The following ST14 variants were observed in gnomAD, a reference collection of about 807,000 sequenced individuals.
ST14 encodes the protein ST14 transmembrane serine protease matriptase.
Under a neutral mutation model 96.5 loss-of-function variants are expected in ST14, and 40 were observed. The observed-to-expected ratio is 0.41, with a 90% CI of 0.32 to 0.54. ST14 has a LOEUF of 0.54. ST14 is among the 20% of genes least tolerant of loss of function. The probability of loss-of-function intolerance (pLI) is 0.17; values close to 1 mark genes in which losing one functional copy is unlikely to be tolerated. For missense variants in ST14, 1,066 were observed against 1,188.9 expected, an observed-to-expected ratio of 0.90 and a Z score of 1.52; for synonymous variants, 506 against 492.1, an observed-to-expected ratio of 1.03 and a Z score of -0.37.
chr11:130,193,964 C>T (rs1316900677), intron 7 of ST14, among the ~76,000 whole-genome samples, 185 bp from the exon 8 acceptor site: 2 of 152,258 alleles, frequency 1.3e-5, no homozygotes, highest in Non-Finnish European at 2.9e-5. Context: ...CGCCTTCCAT[C>T]AGTGATTGTG....
chr11:130,209,378 G>T, intron 17 of ST14, 64 bp from the exon 18 acceptor site: 1 of 1,547,604 alleles, frequency 6.5e-7, no homozygotes, highest in East Asian at 2.4e-5. Flanking sequence ...CCCGTGGGGA[G>T]CGTCTCGAAT....
In ST14 at chr11:130,159,860, G is replaced by C. The variant is rs1952984877; in HGVS notation, c.-120G>C. 2.6e-6 allele frequency: 1 copy of C among 389,884 alleles called. No homozygotes were observed. Among genetic ancestry groups the C allele is most frequent in the Non-Finnish European group, 4.0e-6 (1 of 251,118 alleles). 24.2% of individuals were successfully genotyped at this position (389,884 alleles called of 1,614,324 possible). On this transcript the variant is annotated 5_prime_UTR_variant, in exon 1 of 19. Transcript: ENST00000278742. ...GGGCGAGGGCACCGCCGCCGGTCGG[G>C]CGCGCTGGGCCTGCCCGGAATCCCG...
chr11:130,209,753 G>A lies in ST14; in HGVS notation c.2498G>A (p.Arg833Lys). ...AGCTGGGGAGACGGCTGCGCTCAGA[G>A]GAACAAGCCAGGCGTGTACACAAGG... ...VVSWGDGCAQ[R>K]NKPGVYTRLP... Residue 833 changes from arginine to lysine, a missense_variant, in exon 19 of 19, where the codon AGG becomes AAG. By Grantham distance (26) the Arg-to-Lys change is conservative (BLOSUM62 2). Transcript: ENST00000278742. The A allele has an allele frequency of 6.2e-7, 1 of 1,614,030 alleles. No homozygotes were observed. The highest frequency in any genetic ancestry group is 8.5e-7 in the Non-Finnish European group (1 of 1,180,028).
chr11:130,199,469 C>T (rs763183612), intron 15 of ST14, among the ~76,000 whole-genome samples: 7 of 152,202 alleles, frequency 4.6e-5, no homozygotes, highest in Admixed American at 1.3e-4. Context: ...GTTTCAGAAG[C>T]GTTGGCTGGC....
rs1489868226 is a variant in ST14 at position 130,189,784 on chromosome 11, G to A, written c.486G>A (p.Pro162=). 8.1e-6 allele frequency: 13 copies of A among 1,613,596 alleles called. No homozygotes were observed. Among genetic ancestry groups the A allele is most frequent in the East Asian group, 2.2e-5 (1 of 44,876 alleles). Reference sequence around the variant, plus strand: ...ACTACTGGTCTGAGTTCAGCATCCCGCAGCACCTGGTGGAGGAGGCCGAGC... The same window carrying A: ...ACTACTGGTCTGAGTTCAGCATCCCACAGCACCTGGTGGAGGAGGCCGAGC... ...IAYYWSEFSI[P]QHLVEEAERV... The change falls in exon 5 of 19, where the codon CCG becomes CCA. Residue 162 remains proline (P), a synonymous_variant. Coordinates refer to ENST00000278742, the MANE Select transcript of ST14 (RefSeq NM_021978.4).
At position 130,209,693 on chromosome 11, in the gene ST14, A is replaced by AGGCGGATG; in HGVS notation, c.2446_2453dup (p.Ile818MetfsTer10). 2 of 1,613,596 alleles carry AGGCGGATG rather than the reference A, an allele frequency of 1.2e-6. No individual in the cohort carries two copies. The highest frequency in any genetic ancestry group is 1.7e-6 in the Non-Finnish European group (2 of 1,179,952). On this transcript the variant is annotated frameshift_variant, in exon 19 of 19. Coordinates refer to ENST00000278742, the MANE Select transcript of ST14 (RefSeq NM_021978.4). LOFTEE classifies it high-confidence loss of function. ...TCCGGGGGACCCCTGTCCAGCGTGG[A>AGGCGGATG]GGCGGATGGGCGGATCTTCCAGGCC...
intron 1 of ST14, among the ~76,000 whole-genome samples, chr11:130,182,608 C>G (rs1419263871): frequency 6.6e-6 from 1 of 150,880 alleles, no homozygotes. Flanking sequence ...TGGCCTTTCA[C>G]AGTGCAAGTG....
intron 1 of ST14, among the ~76,000 whole-genome samples, chr11:130,186,610 A>G (rs1234117682): frequency 2.0e-5 from 3 of 152,252 alleles, no homozygotes; most frequent in Non-Finnish European, 4.4e-5. Flanking sequence ...CAGGAAAAAC[A>G]AAGACATATA....
intron 1 of ST14, among the ~76,000 whole-genome samples, chr11:130,175,994 T>C (rs536739304): frequency 6.6e-6 from 1 of 152,260 alleles, no homozygotes; most frequent in Admixed American, 6.5e-5. Context: ...TGGTTTATGG[T>C]TTGGTAGTTT....
intron 16 of ST14, among the ~76,000 whole-genome samples, chr11:130,200,846 G>A (rs1361513391): frequency 1.3e-5 from 2 of 152,208 alleles, no homozygotes; most frequent in African/African-American, 2.4e-5. Flanking sequence ...GCTGTTAAGT[G>A]GCAGAGCCAG....
intron 16 of ST14, among the ~76,000 whole-genome samples, chr11:130,202,696 G>A (rs755063813): frequency 4.6e-5 from 7 of 152,212 alleles, no homozygotes; most frequent in African/African-American, 9.7e-5. Flanking sequence ...GGGCACTGCC[G>A]GGAGGCGGCA....
intron 1 of ST14, among the ~76,000 whole-genome samples, chr11:130,170,549 A>G (rs1341569911): frequency 6.6e-6 from 1 of 152,010 alleles, no homozygotes; most frequent in African/African-American, 2.4e-5. Flanking sequence ...TGGTCCCGGG[A>G]GGATTCCTGG....
At chr11:130,180,545 T>A (rs1436228580) in intron 1 of ST14, among the ~76,000 whole-genome samples, 1 of 152,174 alleles carries the variant, frequency 6.6e-6, no homozygotes, top group Non-Finnish European at 1.5e-5. Flanking sequence ...GAGCAGCCCA[T>A]GGCAAATTCT....
Position 130,188,567 on chromosome 11 carries a change from C to T in ST14, c.279C>T (p.Tyr93=), listed in dbSNP as rs1446424031. The change falls in exon 3 of 19, where the codon TAC becomes TAT. Residue 93 remains tyrosine (Y), a synonymous_variant. Coordinates refer to ENST00000278742, the MANE Select transcript of ST14 (RefSeq NM_021978.4). This position sits in a 1 kb window ranked among gnomAD's most constrained non-coding sequence, Gnocchi z 5.4. ...GTGTCCAGAAGGTCTTCAATGGCTA[C>T]ATGAGGATCACAAATGAGAATTTTG... is the stretch of plus-strand genomic sequence containing the variant. The part of the protein sequence containing the change: ...DVRVQKVFNG[Y]MRITNENFVD... The T allele has an allele frequency of 1.2e-6, 2 of 1,614,094 alleles. No homozygotes were observed. Among genetic ancestry groups the T allele is most frequent in the East Asian group, 2.2e-5 (1 of 44,874 alleles).
At chr11:130,190,803 A>AAGAGT in intron 7 of ST14, 109 bp downstream of exon 7, 2 of 1,364,830 alleles carry the variant, frequency 1.5e-6, no homozygotes, top group Non-Finnish European at 1.9e-6. Context: ...GCCGCAGGCC[A>AAGAGT]CTGCTAAACA....
Position 130,210,245 on chromosome 11 carries a change from A to G in ST14, c.*422A>G. 1 of 182,002 alleles carries G rather than the reference A, an allele frequency of 5.5e-6. No homozygotes were observed. The highest frequency in any genetic ancestry group is 1.2e-5 in the Non-Finnish European group (1 of 86,758). 11.3% of individuals were successfully genotyped at this position (182,002 alleles called of 1,614,324 possible). The stretch of plus-strand genomic sequence containing the variant: ...TTGGGCCACGCTCTTGAGGAAGCCC[A>G]GGCTCGGAGGACCCTGGAAAACAGA... On this transcript the variant is annotated 3_prime_UTR_variant, in exon 19 of 19. Transcript: ENST00000278742.
chr11:130,202,142 G>T (rs1287750394), intron 16 of ST14, among the ~76,000 whole-genome samples: 3 of 152,198 alleles, frequency 2.0e-5, no homozygotes, highest in Admixed American at 6.5e-5. Context: ...CTAGGAAATG[G>T]CTGGGTGCAT....
At chr11:130,191,146 T>A (rs1953294121) in intron 7 of ST14, among the ~76,000 whole-genome samples, 4 of 150,934 alleles carry the variant, frequency 2.7e-5, no homozygotes, top group Admixed American at 2.6e-4. Context: ...AGGCCAGGAG[T>A]TTGAGACTAG....
At chr11:130,185,323 G>A (rs1953227654) in intron 1 of ST14, among the ~76,000 whole-genome samples, 1 of 152,082 alleles carries the variant, frequency 6.6e-6, no homozygotes, top group African/African-American at 2.4e-5. Flanking sequence ...GATAAATAGA[G>A]GATAAATATA....
Sources: gnomAD v4.1 joint callset for allele counts (sites outside exome capture counted in the v4.1 genomes callset) on GRCh38, gnomAD v4.1.1 for gene constraint, Gnocchi (gnomAD v3.1) non-coding constraint, MANE v1.5 for transcripts, NCBI Gene and HGNC (gene_info 2026-07-23, HGNC 2026-07-21) for gene names.